COL2A1: variants seen among roughly 807,000 people sequenced by gnomAD.
COL2A1 encodes collagen alpha-1(II) chain.
A neutral mutation model predicts 204.5 loss-of-function variants in COL2A1; 28 were observed. The ratio of observed to expected loss-of-function variants is 0.14; its 90% CI spans 0.10 to 0.19. The LOEUF (loss-of-function observed/expected upper bound fraction) is 0.19, where lower values mean the gene tolerates loss of function less well. COL2A1 is among the 10% of genes least tolerant of loss of function. The pLI is 1.00. For missense variants in COL2A1, 1,388 were observed against 2,027.5 expected, an observed-to-expected ratio of 0.68 and a Z score of 6.06; for synonymous variants, 708 against 718.7, an observed-to-expected ratio of 0.99 and a Z score of 0.24.
chr12:47,988,894 C>A (rs909551020), intron 18 of COL2A1, among the ~76,000 whole-genome samples: 1 of 152,254 alleles, frequency 6.6e-6, no homozygotes, highest in African/African-American at 2.4e-5. Context: ...TGTTGGGTCT[C>A]CCCTAGGTTT....
rs758975298 is a variant in COL2A1 at position 47,976,551 on chromosome 12, T to C, written c.3452A>G (p.Gln1151Arg). The C allele has an allele frequency of 6.2e-6, 10 of 1,614,198 alleles. No individual in the cohort carries two copies. The East Asian group carries it at 1.1e-4, about 18-fold the overall frequency. ...LPGPPGPSGD[Q>R]GASGPAGPSG... ...AGGACCAGCAGGACCAGAAGCACCT[T>C]GGTCTCCAGAAGGACCCTGTGTAGA... Residue 1151 changes from glutamine (Q) to arginine (R), a missense_variant, in exon 49 of 54, where the codon CAA becomes CGA. This residue lies in a region of COL2A1 where 884 missense variants were observed against 1,415.8 expected (regional missense o/e 0.62). Coordinates refer to ENST00000380518, the MANE Select transcript of COL2A1 (RefSeq NM_001844.5). This position sits in a 1 kb window ranked among gnomAD's most constrained non-coding sequence, Gnocchi z 4.3.
chr12:47,982,747 C>CA lies in COL2A1; in HGVS notation c.2193+100dup, dbSNP rs1592211642. The CA allele has an allele frequency of 6.1e-6, 8 of 1,304,158 alleles. No homozygotes were observed. In the East Asian group the frequency reaches 1.6e-4, roughly 26 times the overall value. 80.8% of individuals were successfully genotyped at this position (1,304,158 alleles called of 1,614,324 possible). On this transcript the variant is annotated intron_variant, in intron 33 of 53. Coordinates refer to ENST00000380518, the MANE Select transcript of COL2A1 (RefSeq NM_001844.5). ...TGTAGACCTCCTTTCCAGCTCCCCC[C>CA]ACTTCTGTTCTTCATTCCTCCTGAG...
chr12:47,974,554 T>A, intron 52 of COL2A1, 121 bp downstream of exon 52: 3 of 1,325,808 alleles, frequency 2.3e-6, no homozygotes, highest in Non-Finnish European at 3.2e-6. Flanking sequence ...TTCCCTCCTC[T>A]CAAGCCCAAC....
At chr12:48,003,750 C>G (rs1333126583) in intron 1 of COL2A1, among the ~76,000 whole-genome samples, 2 of 152,190 alleles carry the variant, frequency 1.3e-5, no homozygotes, top group Non-Finnish European at 2.9e-5. Flanking sequence ...CACCAGCCAC[C>G]AAGCCTTGGA....
In COL2A1 at chr12:47,979,522, G is replaced by A. The variant is rs1938918265; in HGVS notation, c.2722C>T (p.Pro908Ser). 1 of 1,613,510 alleles carries A rather than the reference G, an allele frequency of 6.2e-7. No individual in the cohort carries two copies. Among genetic ancestry groups the A allele is most frequent in the South Asian group, 1.1e-5 (1 of 91,076 alleles). ...GGAGCATCACTTACATTGGAGCCTG[G>A]GGGTCCAACGCGGCCAGCAGCTCCA... ...FPGAAGRVGP[P>S]GSNGNPGPPG... The change falls in exon 41 of 54, where the codon CCA (proline) becomes TCA (serine). Residue 908 changes from proline (P) to serine (S), a missense_variant. By Grantham distance (74) the Pro-to-Ser change is moderately conservative. Transcript: ENST00000380518.
At chr12:47,974,545 T>C (rs1938597646) in intron 52 of COL2A1, 130 bp downstream of exon 52, 1 of 1,274,326 alleles carries the variant, frequency 7.8e-7, no homozygotes. Context: ...TCCTCCTCTT[T>C]CCCTCCTCTC....
intron 51 of COL2A1, 45 bp downstream of exon 51, chr12:47,975,272 G>A (rs1436406436): frequency 6.2e-7 from 1 of 1,609,136 alleles, no homozygotes; most frequent in Non-Finnish European, 8.5e-7. Flanking sequence ...CCTAAGGGAT[G>A]ACTCCCTGCT....
chr12:47,981,225 A>T, intron 37 of COL2A1, 118 bp downstream of exon 37: 1 of 1,146,342 alleles, frequency 8.7e-7, no homozygotes, highest in Non-Finnish European at 1.3e-6. Flanking sequence ...GTAGGGAGGG[A>T]GCCAGTGCCT....
rs1283244874 is a variant in COL2A1 at position 47,976,444 on chromosome 12, C to T, written c.3489+70G>A. On this transcript the variant is annotated intron_variant, in intron 49 of 53. Coordinates refer to ENST00000380518, the MANE Select transcript of COL2A1 (RefSeq NM_001844.5). The surrounding 1 kb of genome is among the most constrained non-coding windows in gnomAD (Gnocchi z 4.3). ...GCTTCCCCAGAAGCAGCAGCATTTC[C>T]CTCCCCATGGGAACACAGGCCCACA... 25 of 1,541,470 alleles carry T rather than the reference C, an allele frequency of 1.6e-5. 1 individual carries two copies. Among genetic ancestry groups the T allele is most frequent in the Non-Finnish European group, 2.2e-5 (25 of 1,114,564 alleles).
At chr12:47,986,561 G>A in intron 22 of COL2A1, 118 bp from the exon 23 acceptor site, 1 of 734,408 alleles carries the variant, frequency 1.4e-6, no homozygotes, top group Non-Finnish European at 2.3e-6. Flanking sequence ...GGGGGGGCTT[G>A]AGGACGAGAG....
At position 47,982,595 on chromosome 12, in the gene COL2A1, T is replaced by C; in HGVS notation, c.2208A>G (p.Pro736=). The C allele has an allele frequency of 1.2e-6, 2 of 1,612,578 alleles. No individual in the cohort carries two copies. Among genetic ancestry groups the C allele is most frequent in the Non-Finnish European group, 1.7e-6 (2 of 1,179,248 alleles). The part of the protein sequence containing the change: ...GTDGPKGASG[P]AGPPGAQGPP... The stretch of plus-strand genomic sequence containing the variant: ...GGCCCTGAGCCCCAGGGGGGCCTGC[T>C]GGGCCAGATGCACCCTGGGGAGGGA... Residue 736 remains proline (P), a synonymous_variant, in exon 34 of 54, where the codon CCA becomes CCG. Transcript: ENST00000380518.
chr12:48,006,132 A>G (rs1205204635), upstream of COL2A1: 1 of 152,208 alleles, frequency 6.6e-6, no homozygotes, highest in Non-Finnish European at 1.5e-5. Context: ...CTCAGGCCCA[A>G]TCTCTGCTAG....
At chr12:47,983,519 C>T (rs1939210441) in intron 30 of COL2A1, 81 bp from the exon 31 acceptor site, 2 of 1,508,654 alleles carry the variant, frequency 1.3e-6, no homozygotes, top group Non-Finnish European at 1.8e-6. Flanking sequence ...TAGGGCAGAC[C>T]CAAAGAAAGG....
Position 47,987,584 on chromosome 12 carries a change from C to T in COL2A1, c.1221+27G>A, listed in dbSNP as rs773461484. 16 of 1,588,984 alleles carry T rather than the reference C, an allele frequency of 1.0e-5. No homozygotes were observed. Among genetic ancestry groups the T allele is most frequent in the African/African-American group, 4.0e-5 (3 of 74,198 alleles). On this transcript the variant is annotated intron_variant, in intron 19 of 53. Coordinates refer to ENST00000380518, the MANE Select transcript of COL2A1 (RefSeq NM_001844.5). This position sits in a 1 kb window ranked among gnomAD's most constrained non-coding sequence, Gnocchi z 4.1. ...TCCAAAGCCACAGACCCCAGACCCC[C>T]CCAGGCCAAAGAGAAGCTGCACTTA...
Position 47,979,314 on chromosome 12 carries a change from T to G in COL2A1, c.2733+197A>C, listed in dbSNP as rs74086449. Among the ~76,000 whole-genome samples the G allele has an allele frequency of 0.024, 3,715 of 152,202 alleles. 187 individuals are homozygous for G. The highest frequency in any genetic ancestry group is 0.084 in the African/African-American group (3,484 of 41,506). On this transcript the variant is annotated intron_variant, in intron 41 of 53. Transcript: ENST00000380518. ...CCAAGCCAGCAGGGCAGCCACCCAT[T>G]GCTGACAGCAGGGCCACAACCCTGC...
intron 33 of COL2A1, 42 bp from the exon 34 acceptor site, chr12:47,982,651 T>A: frequency 6.9e-7 from 1 of 1,444,054 alleles, no homozygotes; most frequent in Non-Finnish European, 9.6e-7. Context: ...GGACAGCACC[T>A]CTCCCTGAAC....
In COL2A1 at chr12:47,978,608, C is replaced by A; in HGVS notation, c.2884G>T (p.Asp962Tyr). The A allele has an allele frequency of 6.2e-7, 1 of 1,613,546 alleles. No homozygotes were observed. The highest frequency in any genetic ancestry group is 8.5e-7 in the Non-Finnish European group (1 of 1,179,956). ...PPGEKGEPGD[D>Y]GPSGAEGPPG... ...GGTGAGGGACTTACAGAGGGACCGT[C>A]ATCTCCAGGCTCTCCCTTCTCGCCA... Residue 962 changes from aspartate (D) to tyrosine (Y), a missense_variant, in exon 42 of 54, where the codon GAC becomes TAC. Coordinates refer to ENST00000380518, the MANE Select transcript of COL2A1 (RefSeq NM_001844.5). This position sits in a 1 kb window ranked among gnomAD's most constrained non-coding sequence, Gnocchi z 5.5.
chr12:47,977,304 A>C lies in COL2A1; in HGVS notation c.3273+16T>G. ...GCGCAGGGGAAGGCGGCTTTTACTG[A>C]ATTCAGGATACTTACAGCTTCTCCT... On this transcript the variant is annotated intron_variant, in intron 46 of 53. Coordinates refer to ENST00000380518, the MANE Select transcript of COL2A1 (RefSeq NM_001844.5). The C allele has an allele frequency of 6.2e-7, 1 of 1,608,532 alleles. No homozygotes were observed. The highest frequency in any genetic ancestry group is 8.5e-7 in the Non-Finnish European group (1 of 1,174,962).
chr12:47,980,106 A>G lies in COL2A1; in HGVS notation c.2626-44T>C. ...GACAGTGAGGCCCAGTGGCCCAAGG[A>G]AGACGGTGGGCTTCTGTCTGAGCCC... is the stretch of plus-strand genomic sequence containing the variant. On this transcript the variant is annotated intron_variant, in intron 39 of 53. Coordinates refer to ENST00000380518, the MANE Select transcript of COL2A1 (RefSeq NM_001844.5). This position sits in a 1 kb window ranked among gnomAD's most constrained non-coding sequence, Gnocchi z 4.5. The G allele has an allele frequency of 6.7e-7, 1 of 1,495,604 alleles. No individual in the cohort carries two copies. The highest frequency in any genetic ancestry group is 9.1e-7 in the Non-Finnish European group (1 of 1,096,472). 92.6% of individuals were successfully genotyped at this position (1,495,604 alleles called of 1,614,324 possible). A position where few individuals can be genotyped will look rare whatever the true frequency, so the allele number is the denominator to read the frequency against.
Sources: gnomAD v4.1 joint callset for allele counts (sites outside exome capture counted in the v4.1 genomes callset) on GRCh38, gnomAD v4.1.1 for gene constraint, gnomAD v4.1.1 regional missense constraint, Gnocchi (gnomAD v3.1) non-coding constraint, MANE v1.5 for transcripts, NCBI Gene and HGNC (gene_info 2026-07-23, HGNC 2026-07-21) for gene names.